The following EPHA6 variants were observed in gnomAD, a reference collection of about 807,000 sequenced individuals.
EPHA6 encodes the protein EPH receptor A6, also known as ephrin type-A receptor 6.
EPHA6 carries 50 observed loss-of-function variants against 112.0 expected under a neutral mutation model. The ratio of observed to expected loss-of-function variants is 0.45; its 90% CI spans 0.36 to 0.56. The LOEUF (loss-of-function observed/expected upper bound fraction) is 0.56. Ranked by LOEUF, EPHA6 falls within the 20% of genes least tolerant of loss-of-function variation. The probability of loss-of-function intolerance (pLI) is 0.00; values close to 1 mark genes in which losing one functional copy is unlikely to be tolerated. For missense variants in EPHA6, 1,280 were observed against 1,417.4 expected, an observed-to-expected ratio of 0.90 and a Z score of 1.56; for synonymous variants, 529 against 490.7, an observed-to-expected ratio of 1.08 and a Z score of -1.03.
intron 11 of EPHA6, among the ~76,000 whole-genome samples, chr3:97,562,053 G>A (rs1040247087): frequency 2.6e-5 from 4 of 152,066 alleles, no homozygotes; most frequent in African/African-American, 7.2e-5. Context: ...AAATAATACT[G>A]CTCATTGACA....
chr3:96,884,955 T>C (rs981540749), intron 2 of EPHA6, among the ~76,000 whole-genome samples: 3 of 152,220 alleles, frequency 2.0e-5, no homozygotes, highest in African/African-American at 7.2e-5. Context: ...TTTTATCTAA[T>C]GCTTGGTCTG....
chr3:97,533,986 A>G (rs938754758), intron 11 of EPHA6, among the ~76,000 whole-genome samples: 65 of 152,236 alleles, frequency 4.3e-4, no homozygotes, highest in African/African-American at 1.3e-3. Flanking sequence ...ATCACAAAAG[A>G]TGATTAAATG....
intron 2 of EPHA6, among the ~76,000 whole-genome samples, chr3:96,952,615 G>C (rs1576153278): frequency 6.6e-6 from 1 of 152,112 alleles, no homozygotes; most frequent in Admixed American, 6.5e-5. Flanking sequence ...AAATTATCCT[G>C]TCTCAATATT....
chr3:96,845,244 T>C (rs1193393335), intron 1 of EPHA6, among the ~76,000 whole-genome samples: 6 of 152,052 alleles, frequency 3.9e-5, no homozygotes, highest in Non-Finnish European at 8.8e-5. Flanking sequence ...AAAATGTAAG[T>C]TGCATTTCTT....
rs1039920955 is a variant in EPHA6, at chr3:96,982,822, G to C, written c.451-4508G>C. On this transcript the variant is annotated intron_variant, in intron 2 of 17. Coordinates refer to ENST00000389672, the MANE Select transcript of EPHA6 (RefSeq NM_001080448.3). ...ACCATTATGTAATGGCCTTCTTTGT[G>C]TCTTTTGATCTTTGTTTGTTTAAAG... Among the ~76,000 whole-genome samples, 10 of 151,962 alleles carry C rather than the reference G, an allele frequency of 6.6e-5. No individual in the cohort carries two copies. The South Asian group carries it at 1.2e-3, about 19-fold the overall frequency.
intron 3 of EPHA6, among the ~76,000 whole-genome samples, chr3:97,039,534 G>A (rs552070497): frequency 6.6e-6 from 1 of 152,098 alleles, no homozygotes; most frequent in South Asian, 2.1e-4. Context: ...AATAGATTAT[G>A]AGAGTCATGG....
chr3:97,333,194 T>A (rs955250792), intron 5 of EPHA6, among the ~76,000 whole-genome samples: 2 of 152,126 alleles, frequency 1.3e-5, no homozygotes, highest in Non-Finnish European at 2.9e-5. Context: ...TTGTTGAGTG[T>A]ATGTGTAAGT....
In EPHA6 at chr3:97,532,398, A is replaced by G; in HGVS notation, c.2241A>G (p.Pro747=). 2.5e-6 allele frequency: 4 copies of G among 1,612,454 alleles called. No individual in the cohort carries two copies. Among genetic ancestry groups the G allele is most frequent in the Middle Eastern group, 1.7e-4 (1 of 6,044 alleles). The change falls in exon 11 of 18, where the codon CCA becomes CCG. Residue 747 remains proline, a synonymous_variant. Transcript: ENST00000389672. ...TCTGTAGTGGGCGTTTGAAGACACC[A>G]GGGAAAAGAGAGATCCCAGTTGCCA... ...GEVCSGRLKT[P]GKREIPVAIK...
At chr3:96,986,014 G>A (rs2043008949) in intron 2 of EPHA6, among the ~76,000 whole-genome samples, 1 of 152,024 alleles carries the variant, frequency 6.6e-6, no homozygotes, top group African/African-American at 2.4e-5. Context: ...GTTGTTTTCA[G>A]TATACTCTAA....
intron 3 of EPHA6, among the ~76,000 whole-genome samples, chr3:97,212,713 T>C (rs1408945022): frequency 6.6e-6 from 1 of 152,182 alleles, no homozygotes; most frequent in Non-Finnish European, 1.5e-5. Flanking sequence ...TATAAATCTA[T>C]GAATGAGAAA....
At chr3:97,137,928 G>T (rs923112024) in intron 3 of EPHA6, among the ~76,000 whole-genome samples, 2 of 152,152 alleles carry the variant, frequency 1.3e-5, no homozygotes, top group African/African-American at 4.8e-5. Context: ...ACTAGATGCA[G>T]CTATGACGTC....
intron 14 of EPHA6, among the ~76,000 whole-genome samples, chr3:97,661,549 C>A (rs972919985): frequency 2.0e-5 from 3 of 152,050 alleles, no homozygotes; most frequent in African/African-American, 7.2e-5. Flanking sequence ...ATTACATTAA[C>A]CTAGGCAACT....
At chr3:96,980,577 A>T (rs2107815106) in intron 2 of EPHA6, among the ~76,000 whole-genome samples, 1 of 152,270 alleles carries the variant, frequency 6.6e-6, no homozygotes, top group Middle Eastern at 3.4e-3. Flanking sequence ...AGTTTTTTCC[A>T]ATTCTGTGAA....
At chr3:96,889,126 A>G (rs1051992870) in intron 2 of EPHA6, among the ~76,000 whole-genome samples, 1 of 152,170 alleles carries the variant, frequency 6.6e-6, no homozygotes, top group Non-Finnish European at 1.5e-5. Context: ...CTGAGACCAT[A>G]TCAGCCTGGA....
chr3:97,263,533 A>C (rs1278015690), intron 5 of EPHA6, among the ~76,000 whole-genome samples: 1 of 151,614 alleles, frequency 6.6e-6, no homozygotes, highest in Non-Finnish European at 1.5e-5. Context: ...TTAACTTACA[A>C]TAATATAATA....
chr3:97,472,798 A>G (rs1006369862), intron 7 of EPHA6, among the ~76,000 whole-genome samples: 14 of 151,930 alleles, frequency 9.2e-5, no homozygotes, highest in African/African-American at 3.4e-4. Flanking sequence ...AAGCAAGGCT[A>G]TGATTGTTGT....
intron 11 of EPHA6, among the ~76,000 whole-genome samples, chr3:97,535,416 C>T (rs946436414): frequency 2.0e-5 from 3 of 152,064 alleles, no homozygotes; most frequent in African/African-American, 7.2e-5. Flanking sequence ...GTAGCATTAA[C>T]TTGTTAGAGT....
At chr3:97,110,030 A>T (rs72920295) in intron 3 of EPHA6, among the ~76,000 whole-genome samples, 1,979 of 152,270 alleles carry the variant, frequency 0.013, 46 homozygotes, top group African/African-American at 0.044. Context: ...AATAACATTG[A>T]AATACTCTTT....
intron 14 of EPHA6, among the ~76,000 whole-genome samples, chr3:97,639,571 G>A (rs145821065): frequency 5.3e-4 from 80 of 152,140 alleles, no homozygotes; most frequent in African/African-American, 1.7e-3. Flanking sequence ...ACTCTTTGTG[G>A]CAGTAAGCCT....
Sources: gnomAD v4.1 joint callset for allele counts (sites outside exome capture counted in the v4.1 genomes callset) on GRCh38, gnomAD v4.1.1 for gene constraint, MANE v1.5 for transcripts, NCBI Gene and HGNC (gene_info 2026-07-23, HGNC 2026-07-21) for gene names.